DTX1: variants seen among roughly 807,000 people sequenced by gnomAD.
The protein encoded by DTX1 is E3 ubiquitin-protein ligase DTX1.
DTX1 carries 26 observed loss-of-function variants against 57.8 expected under a neutral mutation model. The ratio of observed to expected loss-of-function variants is 0.45; its 90% CI spans 0.33 to 0.62. The LOEUF (loss-of-function observed/expected upper bound fraction) is 0.62, where lower values mean the gene tolerates loss of function less well. DTX1 is among the 20% of genes least tolerant of loss of function. DTX1 has a pLI of 0.02. For missense variants in DTX1, 704 were observed against 895.3 expected (o/e 0.79, Z 2.73); for synonymous variants, 398 against 394.1 (o/e 1.01, Z -0.12).
At chr12:113,094,974 G>A in intron 7 of DTX1, 27 bp downstream of exon 7, 1 of 1,607,932 alleles carries the variant, frequency 6.2e-7, no homozygotes, top group Non-Finnish European at 8.5e-7. Flanking sequence ...AATGGCTGAG[G>A]AGTGGGCAGG....
rs1363822693 is a variant in DTX1, at chr12:113,096,704, T to C, written c.1639-11T>C. On this transcript the variant is annotated splice_polypyrimidine_tract_variant and intron_variant, in intron 9 of 9. Transcript: ENST00000548759. ...CCTCCTCCCGGCCCCACTGTGTCCC[T>C]GTCCCCCCAGGTGCTGCGGCTGCTC... The C allele has an allele frequency of 6.2e-7, 1 of 1,606,706 alleles. No homozygotes were observed. Among genetic ancestry groups the C allele is most frequent in the Admixed American group, 1.7e-5 (1 of 59,518 alleles).
chr12:113,082,589 CTG>C (rs1457366771), intron 3 of DTX1, among the ~76,000 whole-genome samples: 2 of 151,820 alleles, frequency 1.3e-5, no homozygotes, highest in Non-Finnish European at 2.9e-5. Flanking sequence ...CTCTTTGTTT[CTG>C]TGTCTTTGTT....
In DTX1 at chr12:113,078,040, C is replaced by T. The variant is rs1407998836; in HGVS notation, c.876C>T (p.Asn292=). 7.5e-6 allele frequency: 10 copies of T among 1,335,974 alleles called. No individual in the cohort carries two copies. Among genetic ancestry groups the T allele is most frequent in the Non-Finnish European group, 9.6e-6 (10 of 1,041,594 alleles). The allele number at this position is 1,335,974 out of a possible 1,614,324, so 82.8% of individuals were successfully genotyped here. Residue 292 remains asparagine, a synonymous_variant, in exon 3 of 10, where the codon AAC becomes AAT. Transcript: ENST00000548759. The part of the protein sequence containing the change: ...APGGARTPGQ[N]NLNRPGPQRT... ...GCGGAGCGCGCACCCCGGGGCAGAA[C>T]AACCTCAACCGGCCCGGGCCCCAGC...
Position 113,097,130 on chromosome 12 carries a change from T to C in DTX1, c.*191T>C, listed in dbSNP as rs1455975064. ...GGCATGTCAGGCTGGCCCCGAATCA[T>C]AGCTCCCTGAGAGGGCCAAGCAGAG... On this transcript the variant is annotated 3_prime_UTR_variant, in exon 10 of 10. Transcript: ENST00000548759. 6 of 644,324 alleles carry C rather than the reference T, an allele frequency of 9.3e-6. No homozygotes were observed. Among genetic ancestry groups the C allele is most frequent in the Non-Finnish European group, 1.6e-5 (6 of 381,602 alleles). 39.9% of individuals were successfully genotyped at this position (644,324 alleles called of 1,614,324 possible).
rs1384159829 is a variant in DTX1, at chr12:113,057,945, C to A, written c.-248C>A. On this transcript the variant is annotated 5_prime_UTR_variant, in exon 2 of 10. Coordinates refer to ENST00000548759, the MANE Select transcript of DTX1 (RefSeq NM_004416.3). ...TGTTTCCTCCGGCATAAGAGAGACA[C>A]TTGCTTTCCAGGGCAGCACCCTTTA... 1.0e-5 allele frequency: 6 copies of A among 594,626 alleles called. No homozygotes were observed. The highest frequency in any genetic ancestry group is 8.9e-5 in the East Asian group (3 of 33,658). The allele number at this position is 594,626 out of a possible 1,614,324, so 36.8% of individuals were successfully genotyped here.
chr12:113,061,150 C>T (rs1396430499), intron 2 of DTX1, among the ~76,000 whole-genome samples: 2 of 152,164 alleles, frequency 1.3e-5, no homozygotes, highest in Admixed American at 6.5e-5. Flanking sequence ...CTGGTCACTT[C>T]CCCTCTCCCT....
intron 3 of DTX1, among the ~76,000 whole-genome samples, chr12:113,079,466 C>T (rs2044799282): frequency 6.6e-6 from 1 of 150,670 alleles, no homozygotes; most frequent in South Asian, 2.1e-4. Flanking sequence ...ACCTTTTGTC[C>T]CTTTGGGAGT....
chr12:113,093,558 G>A lies in DTX1; in HGVS notation c.1023G>A (p.Leu341=), dbSNP rs745403217. The A allele has an allele frequency of 1.2e-6, 2 of 1,609,100 alleles. No individual in the cohort carries two copies. Among genetic ancestry groups the A allele is most frequent in the Non-Finnish European group, 1.7e-6 (2 of 1,178,044 alleles). ...CCCCAGGGATGACCGGGATACTGCTGTGCGCGGCCGGGCTGCCCGTGTGCC... is the reference window on the plus strand; with the variant it reads ...CCCCAGGGATGACCGGGATACTGCTATGCGCGGCCGGGCTGCCCGTGTGCC... The part of the protein sequence containing the change: ...PALAGMTGIL[L]CAAGLPVCLT... The change falls in exon 5 of 10, where the codon CTG becomes CTA. Residue 341 remains leucine (L), a synonymous_variant. Coordinates refer to ENST00000548759, the MANE Select transcript of DTX1 (RefSeq NM_004416.3). The surrounding 1 kb of genome is among the most constrained non-coding windows in gnomAD (Gnocchi z 4.2).
intron 3 of DTX1, among the ~76,000 whole-genome samples, chr12:113,087,246 AG>A (rs2136064277): frequency 6.6e-6 from 1 of 152,292 alleles, no homozygotes; most frequent in Non-Finnish European, 1.5e-5. Flanking sequence ...CATGGAAGTA[AG>A]GGGTCTAGAA....
In DTX1 at chr12:113,093,384, A is replaced by C; in HGVS notation, c.1004-155A>C. 1 of 1,336,632 alleles carries C rather than the reference A, an allele frequency of 7.5e-7. No individual in the cohort carries two copies. The highest frequency in any genetic ancestry group is 1.5e-5 in the South Asian group (1 of 65,484). 82.8% of individuals were successfully genotyped at this position (1,336,632 alleles called of 1,614,324 possible). A position where few individuals can be genotyped will look rare whatever the true frequency, so the allele number is the denominator to read the frequency against. ...GACACAGGGCGGGCGTGGCCCGCAG[A>C]AAGGCCCTTCAGGGGCCTTCAAGGG... On this transcript the variant is annotated intron_variant, in intron 4 of 9. Transcript: ENST00000548759. The surrounding 1 kb of genome is among the most constrained non-coding windows in gnomAD (Gnocchi z 4.2).
At chr12:113,083,097 TC>T (rs2044829974) in intron 3 of DTX1, among the ~76,000 whole-genome samples, 1 of 152,338 alleles carries the variant, frequency 6.6e-6, no homozygotes, top group East Asian at 1.9e-4. Context: ...CATATGGTCT[TC>T]CCTCTGTACC....
At chr12:113,087,369 C>T (rs968718538) in intron 3 of DTX1, among the ~76,000 whole-genome samples, 6 of 152,080 alleles carry the variant, frequency 3.9e-5, no homozygotes, top group African/African-American at 1.4e-4. Context: ...AGTGAGGACC[C>T]CAGACAGCAG....
intron 2 of DTX1, among the ~76,000 whole-genome samples, chr12:113,065,330 A>AAGAGACGGGTCTGAGATC (rs1169930803): frequency 1.3e-5 from 2 of 152,138 alleles, no homozygotes; most frequent in Non-Finnish European, 2.9e-5. Flanking sequence ...CGACGCTGAG[A>AAGAGACGGGTCTGAGATC]AGAGACGGGT....
Position 113,077,827 on chromosome 12 carries a change from G to C in DTX1, c.663G>C (p.Ser221=). The C allele has an allele frequency of 7.1e-7, 1 of 1,407,660 alleles. No individual in the cohort carries two copies. Among genetic ancestry groups the C allele is most frequent in the Non-Finnish European group, 9.2e-7 (1 of 1,089,866 alleles). The allele number at this position is 1,407,660 out of a possible 1,614,324, so 87.2% of individuals were successfully genotyped here. Residue 221 remains serine (S), a synonymous_variant, in exon 3 of 10, where the codon TCG becomes TCC. Transcript: ENST00000548759. This position sits in a 1 kb window ranked among gnomAD's most constrained non-coding sequence, Gnocchi z 7.8. The stretch of plus-strand genomic sequence containing the variant: ...CCGCCTCCAACGCCATCCTGGCCTC[G>C]CAGCGCCGCAAGGCGCCCCCCGCGC... ...TRAASNAILA[S]QRRKAPPAPP...
intron 2 of DTX1, among the ~76,000 whole-genome samples, chr12:113,071,852 C>T (rs945925159): frequency 3.9e-5 from 6 of 152,224 alleles, no homozygotes; most frequent in African/African-American, 1.4e-4. Flanking sequence ...CCTAATTACT[C>T]CTGCTCTCCA....
intron 2 of DTX1, among the ~76,000 whole-genome samples, chr12:113,071,634 C>T (rs2044738693): frequency 6.6e-6 from 1 of 152,266 alleles, no homozygotes; most frequent in African/African-American, 2.4e-5. Context: ...AAATCTAGGC[C>T]ATGGCCACTG....
In DTX1 at chr12:113,062,762, G is replaced by GT. The variant is rs545665311; in HGVS notation, c.259+4312dup. 3.0e-4 allele frequency among the ~76,000 whole-genome samples: 45 copies of GT among 152,384 alleles called. 2 individuals carry two copies. In the East Asian group the frequency reaches 5.4e-3, roughly 18 times the overall value. ...GTGCAGCCAGCGGAAGAAAGCCCCG[G>GT]TGTCAGGCTGGGGCCACAGGGGAGA... On this transcript the variant is annotated intron_variant, in intron 2 of 9. Coordinates refer to ENST00000548759, the MANE Select transcript of DTX1 (RefSeq NM_004416.3).
intron 2 of DTX1, among the ~76,000 whole-genome samples, chr12:113,062,700 C>T (rs745446738): frequency 2.0e-5 from 3 of 152,208 alleles, no homozygotes; most frequent in Non-Finnish European, 2.9e-5. Context: ...CGCACAATGC[C>T]GACACACACA....
At position 113,093,103 on chromosome 12, in the gene DTX1, C is replaced by T; in HGVS notation, c.942-59C>T. ...GCCAGAGACAGAAGGCAAGCCAGGT[C>T]CCCTGACGTCGCTTCGGGGGCTGGA... On this transcript the variant is annotated intron_variant, in intron 3 of 9. Coordinates refer to ENST00000548759, the MANE Select transcript of DTX1 (RefSeq NM_004416.3). This position sits in a 1 kb window ranked among gnomAD's most constrained non-coding sequence, Gnocchi z 4.2. The T allele has an allele frequency of 1.3e-6, 2 of 1,540,170 alleles. No individual in the cohort carries two copies. Among genetic ancestry groups the T allele is most frequent in the Non-Finnish European group, 1.8e-6 (2 of 1,136,620 alleles).
Sources: gnomAD v4.1 joint callset for allele counts (sites outside exome capture counted in the v4.1 genomes callset) on GRCh38, gnomAD v4.1.1 for gene constraint, Gnocchi (gnomAD v3.1) non-coding constraint, MANE v1.5 for transcripts, NCBI Gene and HGNC (gene_info 2026-07-23, HGNC 2026-07-21) for gene names.